The following LDB2 variants were observed in gnomAD, a reference collection of about 807,000 sequenced individuals.
LDB2 encodes the protein LIM domain binding 2.
Under a neutral mutation model 44.3 loss-of-function variants are expected in LDB2, and 12 were observed. That is an observed-to-expected ratio of 0.27 (90% CI 0.17 to 0.44). The LOEUF (loss-of-function observed/expected upper bound fraction) is 0.44, where lower values mean the gene tolerates loss of function less well. LDB2 is among the 20% of genes least tolerant of loss of function. LDB2 has a pLI of 1.00. For missense variants in LDB2, 344 were observed against 473.5 expected, an observed-to-expected ratio of 0.73 and a Z score of 2.54; for synonymous variants, 164 against 174.8, an observed-to-expected ratio of 0.94 and a Z score of 0.49.
At chr4:16,626,623 G>T (rs1174706569) in intron 2 of LDB2, 1 of 151,912 alleles carries the variant, frequency 6.6e-6, no homozygotes, top group Non-Finnish European at 1.5e-5. Flanking sequence ...TCATTTTATT[G>T]TAAATCATCA....
intron 3 of LDB2, among the ~76,000 whole-genome samples, chr4:16,594,509 G>A (rs1461594036): frequency 1.3e-5 from 2 of 152,174 alleles, no homozygotes; most frequent in Non-Finnish European, 2.9e-5. Context: ...ATTTAAAAAA[G>A]TCTACGGACA....
intron 5 of LDB2, among the ~76,000 whole-genome samples, chr4:16,581,169 G>A (rs1302305779): frequency 1.3e-5 from 2 of 152,218 alleles, no homozygotes; most frequent in African/African-American, 4.8e-5. Flanking sequence ...ACCCAGAAAA[G>A]AGGACCAGAA....
intron 1 of LDB2, among the ~76,000 whole-genome samples, chr4:16,776,284 C>G (rs1352038623): frequency 6.6e-6 from 1 of 152,160 alleles, no homozygotes; most frequent in East Asian, 1.9e-4. Context: ...AGAGGTCCTA[C>G]CAGAACACTC....
chr4:16,580,901 A>G (rs191849618), intron 5 of LDB2, among the ~76,000 whole-genome samples: 4 of 152,278 alleles, frequency 2.6e-5, no homozygotes, highest in Admixed American at 2.6e-4. Flanking sequence ...TTACTTCTCC[A>G]ATTTTAAAAT....
At chr4:16,597,396 C>T (rs140584856) in intron 2 of LDB2, among the ~76,000 whole-genome samples, 13 of 152,074 alleles carry the variant, frequency 8.5e-5, no homozygotes, top group Non-Finnish European at 1.6e-4. Context: ...ACTGCATGCT[C>T]ATTTTCTAAA....
chr4:16,624,070 T>G (rs540237078), intron 2 of LDB2, among the ~76,000 whole-genome samples: 159 of 152,354 alleles, frequency 1.0e-3, no homozygotes, highest in African/African-American at 3.7e-3. Context: ...TTATTACAAA[T>G]TATGTTAATA....
chr4:16,723,659 C>T (rs1023858610), intron 2 of LDB2, among the ~76,000 whole-genome samples: 1 of 152,132 alleles, frequency 6.6e-6, no homozygotes, highest in Non-Finnish European at 1.5e-5. Flanking sequence ...CTGCCACAGT[C>T]CCCTGGAGCC....
chr4:16,754,292 TA>T (rs1766054735), intron 2 of LDB2, among the ~76,000 whole-genome samples: 1 of 152,134 alleles, frequency 6.6e-6, no homozygotes, highest in East Asian at 1.9e-4. Flanking sequence ...AACTGCCCAT[TA>T]AAAAGGTCAT....
chr4:16,573,211 A>G (rs1294418270), intron 5 of LDB2, among the ~76,000 whole-genome samples: 1 of 152,198 alleles, frequency 6.6e-6, no homozygotes, highest in Non-Finnish European at 1.5e-5. Flanking sequence ...TTCCTAATAT[A>G]TATATAGAGG....
At chr4:16,506,180 AAAGATATGGTC>A in intron 7 of LDB2, 1 of 510,106 alleles carries the variant, frequency 2.0e-6, no homozygotes, top group Non-Finnish European at 3.4e-6. Flanking sequence ...GACAGGGTTA[AAAGATATGGTC>A]ACCACAAGTC....
intron 1 of LDB2, among the ~76,000 whole-genome samples, chr4:16,770,497 T>C (rs866899518): frequency 2.4e-4 from 37 of 152,194 alleles, no homozygotes; most frequent in Admixed American, 3.9e-4. Flanking sequence ...TAGTATTTTC[T>C]AGTCCTCACA....
chr4:16,600,696 G>C (rs1722339293), intron 2 of LDB2, among the ~76,000 whole-genome samples: 1 of 152,066 alleles, frequency 6.6e-6, no homozygotes. Context: ...GTTCTATTTT[G>C]TTTACATCCA....
intron 1 of LDB2, among the ~76,000 whole-genome samples, chr4:16,768,129 G>A (rs1402153202): frequency 6.6e-6 from 1 of 152,106 alleles, no homozygotes; most frequent in Non-Finnish European, 1.5e-5. Flanking sequence ...CACTTGTCAT[G>A]TGGTACACAT....
At chr4:16,755,539 GAGAC>G (rs1180180523) in intron 2 of LDB2, among the ~76,000 whole-genome samples, 1 of 31,832 alleles carries the variant, frequency 3.1e-5, no homozygotes, top group Admixed American at 3.4e-4. Context: ...GAGAGAGAGA[GAGAC>G]AGACAGACAG....
chr4:16,536,113 C>A (rs1010355014), intron 5 of LDB2, among the ~76,000 whole-genome samples: 3 of 152,184 alleles, frequency 2.0e-5, no homozygotes, highest in Non-Finnish European at 2.9e-5. Flanking sequence ...GCATTTGCCC[C>A]TACAGGATGG....
intron 1 of LDB2, among the ~76,000 whole-genome samples, chr4:16,768,754 AGTTACAAGGCACTTATT>A (rs1769931664): frequency 6.6e-6 from 1 of 151,708 alleles, no homozygotes; most frequent in East Asian, 1.9e-4. Context: ...AATAGTCAAC[AGTTACAAGGCACTTATT>A]GTATGCCAGT....
chr4:16,637,688 C>G (rs1051224067), intron 2 of LDB2, among the ~76,000 whole-genome samples: 1 of 152,108 alleles, frequency 6.6e-6, no homozygotes. Flanking sequence ...GGTGTCAGGA[C>G]AGACTACAGA....
intron 5 of LDB2, among the ~76,000 whole-genome samples, chr4:16,546,358 T>G (rs1226113093): frequency 2.0e-5 from 3 of 152,066 alleles, no homozygotes; most frequent in Admixed American, 6.5e-5. Context: ...CACGTAAAAC[T>G]AATTTAAAGG....
intron 2 of LDB2, among the ~76,000 whole-genome samples, chr4:16,719,630 G>A (rs927066742): frequency 1.5e-4 from 23 of 152,140 alleles, no homozygotes; most frequent in African/African-American, 5.3e-4. Context: ...ATATGTCCCC[G>A]AAAGTTCATG....
Sources: allele counts gnomAD v4.1 joint callset (sites outside exome capture counted in the v4.1 genomes callset), GRCh38; gene constraint gnomAD v4.1.1; transcripts MANE v1.5; gene names NCBI Gene and HGNC (gene_info 2026-07-23, HGNC 2026-07-21).